Variants in CDK6 observed in about 807,000 individuals in gnomAD.
CDK6 encodes the protein cyclin-dependent kinase 6.
CDK6 carries 6 observed loss-of-function variants against 37.1 expected under a neutral mutation model. The observed-to-expected ratio is 0.16, with a 90% CI of 0.09 to 0.32. The LOEUF (loss-of-function observed/expected upper bound fraction) is 0.32, where lower values mean the gene tolerates loss of function less well. CDK6 is among the 10% of genes least tolerant of loss of function. The pLI, the probability that CDK6 is intolerant of heterozygous loss-of-function variation, is 1.00. For synonymous variants in CDK6, 160 were observed against 161.3 expected (o/e 0.99, Z 0.06); for missense variants, 224 against 418.9 (o/e 0.53, Z 4.06).
At chr7:92,694,823 T>A (rs1210336337) in intron 4 of CDK6, among the ~76,000 whole-genome samples, 1 of 151,918 alleles carries the variant, frequency 6.6e-6, no homozygotes, top group Non-Finnish European at 1.5e-5. Flanking sequence ...AAATAGAAAA[T>A]TATATATATA....
chr7:92,682,543 C>T (rs1317712662), intron 4 of CDK6, among the ~76,000 whole-genome samples: 1 of 152,126 alleles, frequency 6.6e-6, no homozygotes, highest in Non-Finnish European at 1.5e-5. Context: ...TCTACTAGGC[C>T]CAAAGCCAGC....
chr7:92,809,921 T>C (rs959620059), intron 2 of CDK6, among the ~76,000 whole-genome samples: 16 of 152,190 alleles, frequency 1.1e-4, no homozygotes, highest in Non-Finnish European at 2.1e-4. Flanking sequence ...TCAGCACTTC[T>C]GGTGCCAGAT....
chr7:92,666,189 C>A (rs1267218700), intron 5 of CDK6, among the ~76,000 whole-genome samples: 1 of 152,202 alleles, frequency 6.6e-6, no homozygotes, highest in Admixed American at 6.5e-5. Flanking sequence ...CAACTGCTGG[C>A]CTTCCACTGA....
chr7:92,667,552 G>GTT (rs112532643), intron 5 of CDK6, among the ~76,000 whole-genome samples: 12 of 141,404 alleles, frequency 8.5e-5, no homozygotes, highest in Non-Finnish European at 7.8e-5. Context: ...AATTTAAAAA[G>GTT]TTTTTTTTTT....
At chr7:92,644,311 T>C (rs1463090539) in intron 5 of CDK6, among the ~76,000 whole-genome samples, 3 of 152,158 alleles carry the variant, frequency 2.0e-5, no homozygotes, top group Non-Finnish European at 4.4e-5. Context: ...TCCCCATGGA[T>C]ATATGGGGTT....
chr7:92,831,883 G>C (rs1801492203), intron 2 of CDK6, among the ~76,000 whole-genome samples: 1 of 152,162 alleles, frequency 6.6e-6, no homozygotes, highest in African/African-American at 2.4e-5. Context: ...AGAGAGTTTG[G>C]TATTTCAAAG....
At chr7:92,623,880 T>C (rs190758609) in intron 5 of CDK6, among the ~76,000 whole-genome samples, 1 of 152,298 alleles carries the variant, frequency 6.6e-6, no homozygotes, top group Admixed American at 6.5e-5. Context: ...ACACCTATGG[T>C]ACACAAGTAA....
chr7:92,698,346 G>A (rs1797767455), intron 4 of CDK6, among the ~76,000 whole-genome samples: 2 of 152,196 alleles, frequency 1.3e-5, no homozygotes, highest in South Asian at 4.1e-4. Flanking sequence ...CTCTCTTAGC[G>A]AACAAAGCAA....
intron 5 of CDK6, among the ~76,000 whole-genome samples, chr7:92,634,475 CT>C (rs548746162): frequency 0.048 from 7,179 of 148,488 alleles, 228 homozygotes; most frequent in Non-Finnish European, 0.07. Flanking sequence ...CTCTTCATAA[CT>C]TTTTTTTTTT....
At chr7:92,723,014 G>A (rs1361348452) in intron 4 of CDK6, among the ~76,000 whole-genome samples, 3 of 152,056 alleles carry the variant, frequency 2.0e-5, no homozygotes, top group Non-Finnish European at 2.9e-5. Flanking sequence ...GCAAAACCCT[G>A]CCTCTACTAA....
chr7:92,790,895 A>C (rs563350136), intron 2 of CDK6, among the ~76,000 whole-genome samples: 54 of 152,310 alleles, frequency 3.5e-4, no homozygotes, highest in African/African-American at 1.3e-3. Context: ...GGAGCACCGC[A>C]AGAAGCCCCA....
At chr7:92,662,839 G>C (rs1177970941) in intron 5 of CDK6, among the ~76,000 whole-genome samples, 1 of 152,184 alleles carries the variant, frequency 6.6e-6, no homozygotes, top group Non-Finnish European at 1.5e-5. Flanking sequence ...GAGAAGTTGG[G>C]AGGCTTTGGC....
chr7:92,607,416 T>TA lies in CDK6; in HGVS notation c.*7723dup, dbSNP rs1292306029. 1 of 233,026 alleles carries TA rather than the reference T, an allele frequency of 4.3e-6. No individual in the cohort carries two copies. Among genetic ancestry groups the TA allele is most frequent in the African/African-American group, 2.2e-5 (1 of 45,344 alleles). 14.4% of individuals were successfully genotyped at this position (233,026 alleles called of 1,614,324 possible). A position where few individuals can be genotyped will look rare whatever the true frequency, so the allele number is the denominator to read the frequency against. ...TGCACTCTACTATATGCATATTTAA[T>TA]AAAAACAACTACAAAGTCCTTTACT... On this transcript the variant is annotated 3_prime_UTR_variant, in exon 8 of 8. Coordinates refer to ENST00000424848, the MANE Select transcript of CDK6 (RefSeq NM_001145306.2).
At chr7:92,683,294 A>C (rs1797376765) in intron 4 of CDK6, among the ~76,000 whole-genome samples, 2 of 152,186 alleles carry the variant, frequency 1.3e-5, no homozygotes, top group South Asian at 4.1e-4. Flanking sequence ...CTTGCTATGG[A>C]AACAGTCAAA....
chr7:92,716,312 T>C (rs1002481267), intron 4 of CDK6, among the ~76,000 whole-genome samples: 2 of 152,126 alleles, frequency 1.3e-5, no homozygotes, highest in African/African-American at 2.4e-5. Flanking sequence ...GCTTACCACT[T>C]TGGGTAGAAG....
At chr7:92,690,804 A>G (rs1288204901) in intron 4 of CDK6, among the ~76,000 whole-genome samples, 1 of 152,226 alleles carries the variant, frequency 6.6e-6, no homozygotes, top group Non-Finnish European at 1.5e-5. Context: ...TAAGCAAGCA[A>G]AATATATGAA....
At chr7:92,709,552 AC>A (rs572375301) in intron 4 of CDK6, among the ~76,000 whole-genome samples, 121 of 152,306 alleles carry the variant, frequency 7.9e-4, no homozygotes, top group East Asian at 2.3e-3. Flanking sequence ...AACTAAAAAA[AC>A]ATACACATAT....
intron 4 of CDK6, among the ~76,000 whole-genome samples, chr7:92,718,137 G>C (rs1179115525): frequency 6.6e-6 from 1 of 152,112 alleles, no homozygotes; most frequent in African/African-American, 2.4e-5. Context: ...AAGTGAAAAC[G>C]AAACCGGCAC....
chr7:92,706,912 C>T (rs898845540), intron 4 of CDK6, among the ~76,000 whole-genome samples: 15 of 152,256 alleles, frequency 9.9e-5, no homozygotes, highest in Admixed American at 2.0e-4. Flanking sequence ...TTTCCCCAGA[C>T]TTCAACATTG....
Sources: gnomAD v4.1 joint callset for allele counts (sites outside exome capture counted in the v4.1 genomes callset) on GRCh38, gnomAD v4.1.1 for gene constraint, MANE v1.5 for transcripts, NCBI Gene and HGNC (gene_info 2026-07-23, HGNC 2026-07-21) for gene names.